Variants in SYT16 observed in about 807,000 individuals in gnomAD.
SYT16 encodes synaptotagmin 16.
Under a neutral mutation model 61.4 loss-of-function variants are expected in SYT16, and 42 were observed. The observed-to-expected ratio is 0.68, with a 90% CI of 0.53 to 0.89. The LOEUF (loss-of-function observed/expected upper bound fraction) is 0.89, where lower values mean the gene tolerates loss of function less well. Among genes scored for constraint, SYT16 ranks in the 40% least tolerant of loss-of-function variants. SYT16 has a pLI of 0.00. For missense variants in SYT16, 804 were observed against 807.3 expected, an observed-to-expected ratio of 1.00 and a Z score of 0.05; for synonymous variants, 314 against 302.3, an observed-to-expected ratio of 1.04 and a Z score of -0.40.
chr14:61,829,615 C>G (rs1206378738), intron 1 of SYT16, among the ~76,000 whole-genome samples: 1 of 151,630 alleles, frequency 6.6e-6, no homozygotes, highest in Non-Finnish European at 1.5e-5. Context: ...AAACTTGTCT[C>G]TCTATTGTTC....
chr14:61,950,726 A>G (rs1033708812), intron 1 of SYT16, among the ~76,000 whole-genome samples: 1 of 152,242 alleles, frequency 6.6e-6, no homozygotes, highest in African/African-American at 2.4e-5. Context: ...CCAGTGGGAA[A>G]ATAATAGCTT....
chr14:61,887,139 G>A (rs1003404328), intron 1 of SYT16, among the ~76,000 whole-genome samples: 7 of 152,142 alleles, frequency 4.6e-5, no homozygotes, highest in South Asian at 4.1e-4. Context: ...TGTAAATAAC[G>A]TTGATCTCCT....
At chr14:61,991,950 GTTCATTCATTCATTCA>G (rs75057544) in intron 2 of SYT16, among the ~76,000 whole-genome samples, 5 of 149,160 alleles carry the variant, frequency 3.4e-5, no homozygotes, top group Admixed American at 6.7e-5. Flanking sequence ...AACTTTGTTC[GTTCATTCATTCATTCA>G]TTCATTCATT....
intron 3 of SYT16, among the ~76,000 whole-genome samples, chr14:62,018,777 A>C (rs1487972768): frequency 6.6e-6 from 1 of 151,496 alleles, no homozygotes; most frequent in African/African-American, 2.4e-5. Context: ...TGTAAACGGT[A>C]CCTCCCTCCA....
chr14:61,837,238 T>A (rs1292526965), intron 1 of SYT16, among the ~76,000 whole-genome samples: 1 of 150,174 alleles, frequency 6.7e-6, no homozygotes, highest in Non-Finnish European at 1.5e-5. Context: ...GGCTGATTTT[T>A]TTTTTTTTTT....
At chr14:61,859,451 A>G (rs60238262) in intron 1 of SYT16, among the ~76,000 whole-genome samples, 22,802 of 151,900 alleles carry the variant, frequency 0.15, 1,919 homozygotes, top group African/African-American at 0.23. Flanking sequence ...CCTAAATCAG[A>G]CACCACCTCC....
At chr14:61,831,438 A>G (rs1430427501) in intron 1 of SYT16, among the ~76,000 whole-genome samples, 2 of 152,074 alleles carry the variant, frequency 1.3e-5, no homozygotes, top group Admixed American at 6.5e-5. Context: ...TTAATCTTAA[A>G]TTTAACCATT....
Position 62,104,157 on chromosome 14 carries a change from G to A in SYT16, c.*3450G>A, listed in dbSNP as rs1358485769. On this transcript the variant is annotated 3_prime_UTR_variant, in exon 8 of 8. Coordinates refer to ENST00000683842, the MANE Select transcript of SYT16 (RefSeq NM_001367656.1). ...ACCAATTTGATTTAATTGATGATTC[G>A]GTGTGGACACCACTGTGGGTTTCCA... 2.0e-5 allele frequency: 3 copies of A among 152,140 alleles called. No individual in the cohort carries two copies. Among genetic ancestry groups the A allele is most frequent in the Non-Finnish European group, 4.4e-5 (3 of 68,030 alleles). 9.4% of individuals were successfully genotyped at this position (152,140 alleles called of 1,614,324 possible).
rs576968074 is a variant in SYT16 at position 61,901,469 on chromosome 14, AT to A, written c.-324-68659del. The stretch of plus-strand genomic sequence containing the variant: ...AACAGCTGGTAAGTGGCTGAGACAG[AT>A]TTTGAACTCTGCATTCTGGGTAGCA... On this transcript the variant is annotated intron_variant, in intron 1 of 7. Transcript: ENST00000683842. Among the ~76,000 whole-genome samples, 617 of 152,306 alleles carry A rather than the reference AT, an allele frequency of 4.1e-3. 3 individuals are homozygous for A. Among genetic ancestry groups the A allele is most frequent in the African/African-American group, 0.014 (575 of 41,556 alleles).
chr14:61,927,931 G>C (rs980526328), intron 1 of SYT16, among the ~76,000 whole-genome samples: 1 of 152,164 alleles, frequency 6.6e-6, no homozygotes, highest in Non-Finnish European at 1.5e-5. Context: ...ATCATGCCTG[G>C]TTTAACTTGC....
chr14:62,074,582 A>G (rs1247967455), intron 4 of SYT16, among the ~76,000 whole-genome samples: 1 of 152,216 alleles, frequency 6.6e-6, no homozygotes, highest in Non-Finnish European at 1.5e-5. Context: ...TAGATAAAGA[A>G]GCAAAGATTC....
chr14:61,953,598 A>G (rs1222929472), intron 1 of SYT16, among the ~76,000 whole-genome samples: 3 of 152,162 alleles, frequency 2.0e-5, no homozygotes, highest in East Asian at 3.8e-4. Flanking sequence ...TGTCTCCACC[A>G]TCCTGTTGAA....
chr14:61,996,023 G>A lies in SYT16; in HGVS notation c.4G>A (p.Val2Met). 6.3e-7 allele frequency: 1 copy of A among 1,586,946 alleles called. No individual in the cohort carries two copies. Among genetic ancestry groups the A allele is most frequent in the South Asian group, 1.2e-5 (1 of 85,564 alleles). The change falls in exon 3 of 8, where the codon GTG (valine) becomes ATG (methionine). Residue 2 changes from valine to methionine, a missense_variant. Physicochemically the swap from Val to Met is conservative, Grantham distance 21. Transcript: ENST00000683842. M[V>M]LAMASQDVQN... ...TGTAGACATCAGATAGCTGGCCATG[G>A]TGTTGGCCATGGCGTCTCAGGATGT... is the stretch of plus-strand genomic sequence containing the variant.
chr14:62,003,124 T>C (rs575936455), intron 3 of SYT16, among the ~76,000 whole-genome samples: 268 of 152,172 alleles, frequency 1.8e-3, no homozygotes, highest in African/African-American at 6.2e-3. Context: ...CAGCCAAAAC[T>C]TATCAGCTAC....
At chr14:62,045,949 A>C (rs574103253) in intron 3 of SYT16, among the ~76,000 whole-genome samples, 10,451 of 152,100 alleles carry the variant, frequency 0.069, 456 homozygotes, top group East Asian at 0.12. Context: ...ATGATTTATA[A>C]TCCTTTGGGT....
chr14:62,069,560 A>G (rs767748294), intron 3 of SYT16, 43 bp from the exon 4 acceptor site: 2 of 1,577,870 alleles, frequency 1.3e-6, no homozygotes, highest in East Asian at 2.2e-5. Context: ...GTATTCGAGC[A>G]TATAGGCCAC....
At chr14:61,907,306 G>A (rs946517673) in intron 1 of SYT16, among the ~76,000 whole-genome samples, 7 of 152,280 alleles carry the variant, frequency 4.6e-5, no homozygotes, top group African/African-American at 1.7e-4. Flanking sequence ...TAGAGATGAC[G>A]TTCTTATGAG....
Position 62,084,359 on chromosome 14 carries a change from G to T in SYT16, c.1598G>T (p.Arg533Leu), listed in dbSNP as rs374891288. Residue 533 changes from arginine to leucine, a missense_variant, in exon 7 of 8, where the codon CGA (arginine) becomes CTA (leucine). Coordinates refer to ENST00000683842, the MANE Select transcript of SYT16 (RefSeq NM_001367656.1). ...GAAATGATCAAAGGCAGCCATTTCC[G>T]AAACCTCGCTGTTAACCGAGCACCT... ...SVEMIKGSHF[R>L]NLAVNRAPDT... 1 of 1,612,532 alleles carries T rather than the reference G, an allele frequency of 6.2e-7. No individual in the cohort carries two copies. The highest frequency in any genetic ancestry group is 1.7e-5 in the Admixed American group (1 of 59,972).
chr14:61,946,146 C>T (rs1184247809), intron 1 of SYT16, among the ~76,000 whole-genome samples: 1 of 151,928 alleles, frequency 6.6e-6, no homozygotes, highest in East Asian at 1.9e-4. Flanking sequence ...CACCATGGCA[C>T]GTGTATACCT....
Sources: gnomAD v4.1 joint callset for allele counts (sites outside exome capture counted in the v4.1 genomes callset) on GRCh38, gnomAD v4.1.1 for gene constraint, MANE v1.5 for transcripts, NCBI Gene and HGNC (gene_info 2026-07-23, HGNC 2026-07-21) for gene names.